The following OR11A1 variants were observed in gnomAD, a reference collection of about 807,000 sequenced individuals.
The protein encoded by OR11A1 is olfactory receptor family 11 subfamily A member 1, also known as olfactory receptor 11A1.
For synonymous variants in OR11A1, 158 were observed against 152.2 expected (o/e 1.04, Z -0.28); for missense variants, 380 against 378.2 (o/e 1.00, Z -0.04).
intron 1 of OR11A1, among the ~76,000 whole-genome samples, chr6:29,445,812 C>A (rs1319044057): frequency 6.6e-6 from 1 of 152,182 alleles, no homozygotes; most frequent in Non-Finnish European, 1.5e-5. Flanking sequence ...CCATTGCCAG[C>A]CTCTCTGCCT....
At chr6:29,434,430 C>T (rs558208570) in intron 1 of OR11A1, among the ~76,000 whole-genome samples, 2 of 152,130 alleles carry the variant, frequency 1.3e-5, no homozygotes, top group African/African-American at 2.4e-5. Flanking sequence ...TTTCTTTCAC[C>T]GTTTCATGTT....
rs769597178 is a variant in OR11A1 at position 29,431,925 on chromosome 6, T to C, written c.-326A>G. 3 of 985,280 alleles carry C rather than the reference T, an allele frequency of 3.0e-6. No individual in the cohort carries two copies. The highest frequency in any genetic ancestry group is 1.2e-6 in the Non-Finnish European group (1 of 829,890). The allele number at this position is 985,280 out of a possible 1,614,324, so 61.0% of individuals were successfully genotyped here. ...TGAGGAGGAGATGATCTGCTAAGAT[T>C]TGCTGAAGACTTCAGAATGTTGGAA... On this transcript the variant is annotated 5_prime_UTR_variant, in exon 2 of 5. Coordinates refer to ENST00000377149, the MANE Select transcript of OR11A1 (RefSeq NM_001394828.1).
At chr6:29,428,435 T>C (rs1783007298) in intron 4 of OR11A1, 1 of 982,920 alleles carries the variant, frequency 1.0e-6, no homozygotes, top group Non-Finnish European at 1.2e-6. Context: ...TAGAAGCAAG[T>C]AGGCTAAGTT....
At position 29,427,237 on chromosome 6, in the gene OR11A1, G is replaced by A. The variant is rs770429988; in HGVS notation, c.405C>T (p.Leu135=). ...CCATGTACCGTCTGGGCCCCATCAG[G>A]AGTGGGTAGTGGAGTGGGTAGCAAA... The part of the protein sequence containing the change: ...LAICYPLHYP[L]LMGPRRYMGL... The change falls in exon 5 of 5, where the codon CTC becomes CTT. Residue 135 remains leucine (L), a synonymous_variant. Coordinates refer to ENST00000377149, the MANE Select transcript of OR11A1 (RefSeq NM_001394828.1). 1 of 1,613,120 alleles carries A rather than the reference G, an allele frequency of 6.2e-7. No individual in the cohort carries two copies.
At chr6:29,443,588 G>T (rs1352169638) in intron 1 of OR11A1, among the ~76,000 whole-genome samples, 2 of 150,956 alleles carry the variant, frequency 1.3e-5, no homozygotes, top group African/African-American at 2.5e-5. Flanking sequence ...CCAGTTTTTG[G>T]TTCATAGAAT....
intron 1 of OR11A1, among the ~76,000 whole-genome samples, chr6:29,437,112 T>C (rs925132723): frequency 6.6e-6 from 1 of 152,210 alleles, no homozygotes; most frequent in African/African-American, 2.4e-5. Context: ...AGTTCAACCA[T>C]TGTGGAAGTC....
rs1038904571 is a variant in OR11A1 at position 29,428,955 on chromosome 6, T to C, written c.-134A>G. On this transcript the variant is annotated 5_prime_UTR_variant, in exon 4 of 5. In the 5' UTR this introduces an upstream ATG that the reference lacks. Transcript: ENST00000377149. The stretch of plus-strand genomic sequence containing the variant: ...TATGCTATTCAAAGCAATATGTGTT[T>C]ATTAACTGAAGACAATGAGAGAGAA... 1.0e-6 allele frequency: 1 copy of C among 971,720 alleles called. No individual in the cohort carries two copies. Among genetic ancestry groups the C allele is most frequent in the African/African-American group, 1.8e-5 (1 of 56,688 alleles). The allele number at this position is 971,720 out of a possible 1,614,324, so 60.2% of individuals were successfully genotyped here.
At chr6:29,438,371 A>G (rs1783811137) in intron 1 of OR11A1, among the ~76,000 whole-genome samples, 1 of 152,082 alleles carries the variant, frequency 6.6e-6, no homozygotes, top group Admixed American at 6.5e-5. Context: ...AAACATGTTT[A>G]TTTCTCTTTT....
chr6:29,441,111 T>C, intron 1 of OR11A1: 1 of 595,184 alleles, frequency 1.7e-6, no homozygotes, highest in East Asian at 2.8e-5. Context: ...TCAAATGCGC[T>C]CCTCAGACCC....
chr6:29,431,807 A>G (rs1783246639), intron 2 of OR11A1, 57 bp downstream of exon 2: 3 of 957,308 alleles, frequency 3.1e-6, no homozygotes, highest in South Asian at 9.7e-5. Context: ...CAGCCATTTA[A>G]CTTTTTTAAA....
At chr6:29,435,347 C>T (rs147070174) in intron 1 of OR11A1, among the ~76,000 whole-genome samples, 2 of 152,200 alleles carry the variant, frequency 1.3e-5, no homozygotes, top group East Asian at 1.9e-4. Context: ...GGATGCTTCA[C>T]GGGGGCTAAC....
intron 1 of OR11A1, chr6:29,440,469 G>A: frequency 6.2e-7 from 1 of 1,613,964 alleles, no homozygotes; most frequent in Non-Finnish European, 8.5e-7. Flanking sequence ...GGCCTGTGGG[G>A]TGCTGGTGGG....
rs190932687 is a variant in OR11A1 at position 29,437,931 on chromosome 6, T to C, written c.-388-5944A>G. Among the ~76,000 whole-genome samples the C allele has an allele frequency of 8.0e-3, 1,214 of 152,316 alleles. 12 individuals are homozygous for C. The highest frequency in any genetic ancestry group is 0.025 in the East Asian group (131 of 5,188). The stretch of plus-strand genomic sequence containing the variant: ...CATATTTCCCTGAACTACAAATCTT[T>C]AGACATTTAAGTGAGAGATAAATTT... On this transcript the variant is annotated intron_variant, in intron 1 of 4. Transcript: ENST00000377149.
intron 4 of OR11A1, chr6:29,428,148 A>C: frequency 5.9e-6 from 4 of 673,266 alleles, no homozygotes; most frequent in Non-Finnish European, 7.4e-6. Context: ...CATGGTCACT[A>C]TCTCATTCTT....
chr6:29,430,606 A>C (rs1208518993), intron 2 of OR11A1, among the ~76,000 whole-genome samples, 181 bp from the exon 3 acceptor site: 1 of 152,192 alleles, frequency 6.6e-6, no homozygotes, highest in Non-Finnish European at 1.5e-5. Flanking sequence ...AGTGGGAGCT[A>C]AATAATGTGT....
intron 1 of OR11A1, among the ~76,000 whole-genome samples, chr6:29,433,393 G>A (rs765761939): frequency 2.0e-5 from 3 of 152,090 alleles, no homozygotes; most frequent in Admixed American, 6.5e-5. Flanking sequence ...CTGTGAGTTT[G>A]ACTTTGTAGA....
In OR11A1 at chr6:29,429,903, A is replaced by G. The variant is rs377179817; in HGVS notation, c.-140+398T>C. On this transcript the variant is annotated intron_variant, in intron 3 of 4. Transcript: ENST00000377149. Reference sequence around the variant, plus strand: ...AAGGCACAGCTGAAGGCTTTTAAACAGTACAGTGGCATGTTTCAACCTAAA... The same window carrying G: ...AAGGCACAGCTGAAGGCTTTTAAACGGTACAGTGGCATGTTTCAACCTAAA... Among the ~76,000 whole-genome samples the G allele has an allele frequency of 3.9e-4, 60 of 152,324 alleles. 1 individual carries two copies. The South Asian group carries it at 9.7e-3, about 25-fold the overall frequency.
chr6:29,427,843 T>A, intron 4 of OR11A1, 111 bp from the exon 5 acceptor site: 1 of 780,784 alleles, frequency 1.3e-6, no homozygotes, highest in Non-Finnish European at 2.0e-6. Context: ...TCAACTCTCA[T>A]CCTTCCCTGC....
intron 2 of OR11A1, among the ~76,000 whole-genome samples, chr6:29,431,335 T>C (rs573778915): frequency 1.1e-4 from 16 of 152,308 alleles, no homozygotes; most frequent in African/African-American, 3.4e-4. Flanking sequence ...TCAGTTTGAT[T>C]TTTTTAATCT....
Sources: gnomAD v4.1 joint callset for allele counts (sites outside exome capture counted in the v4.1 genomes callset) on GRCh38, gnomAD v4.1.1 for gene constraint, MANE v1.5 for transcripts, NCBI Gene and HGNC (gene_info 2026-07-23, HGNC 2026-07-21) for gene names.